RGS6: variants seen among roughly 807,000 people sequenced by gnomAD.
RGS6 encodes the protein regulator of G-protein signaling 6.
Under a neutral mutation model 78.5 loss-of-function variants are expected in RGS6, and 30 were observed. The ratio of observed to expected loss-of-function variants is 0.38; its 90% CI spans 0.29 to 0.52. The LOEUF (loss-of-function observed/expected upper bound fraction) is 0.52, where lower values mean the gene tolerates loss of function less well. Among genes scored for constraint, RGS6 ranks in the 20% least tolerant of loss-of-function variants. The pLI is 0.85. For synonymous variants in RGS6, 206 were observed against 206.0 expected (o/e 1.00, Z 0.00); for missense variants, 495 against 609.7 (o/e 0.81, Z 1.98).
chr14:72,536,069 C>A lies in RGS6; in HGVS notation c.1279-117C>A, dbSNP rs1045723883. ...TGTTGCAAGTTTTTCTAGGTACATG[C>A]AAACATACCTAGGTTCCTTCATCTC... On this transcript the variant is annotated intron_variant, in intron 15 of 17. Transcript: ENST00000553525. 5 of 771,230 alleles carry A rather than the reference C, an allele frequency of 6.5e-6. No individual in the cohort carries two copies. The South Asian group carries it at 7.5e-5, about 12-fold the overall frequency. The allele number at this position is 771,230 out of a possible 1,614,324, so 47.8% of individuals were successfully genotyped here.
At chr14:72,110,169 T>C (rs1317152882) in intron 2 of RGS6, among the ~76,000 whole-genome samples, 5 of 152,220 alleles carry the variant, frequency 3.3e-5, no homozygotes, top group East Asian at 1.9e-4. Flanking sequence ...CCAGACATCA[T>C]TGGCTGCTTT....
At chr14:72,410,607 C>T (rs1442947874) in intron 3 of RGS6, among the ~76,000 whole-genome samples, 3 of 152,060 alleles carry the variant, frequency 2.0e-5, no homozygotes, top group Non-Finnish European at 4.4e-5. Flanking sequence ...CTTTTGTTGC[C>T]ATTGCTTTTG....
the RGS6 span, among the ~76,000 whole-genome samples, chr14:71,870,580 A>T: frequency 6.6e-6 from 1 of 152,156 alleles, no homozygotes; most frequent in African/African-American, 2.4e-5. Context: ...TTCCACAGTG[A>T]TACTGGCTTG....
chr14:72,303,606 T>A (rs2066581591), intron 2 of RGS6, among the ~76,000 whole-genome samples: 1 of 152,226 alleles, frequency 6.6e-6, no homozygotes, highest in African/African-American at 2.4e-5. Flanking sequence ...TTAAGAAATA[T>A]AAATCATATT....
intron 5 of RGS6, among the ~76,000 whole-genome samples, chr14:72,458,861 C>T (rs889921884): frequency 6.6e-6 from 1 of 152,182 alleles, no homozygotes; most frequent in African/African-American, 2.4e-5. Context: ...TCAAAGGCCC[C>T]ACCTCCCAAT....
intron 3 of RGS6, among the ~76,000 whole-genome samples, chr14:72,444,280 C>T (rs1401202190): frequency 6.6e-6 from 1 of 152,100 alleles, no homozygotes; most frequent in Non-Finnish European, 1.5e-5. Flanking sequence ...GTAATAACCT[C>T]GCTGGGTCTC....
At chr14:72,514,572 T>A (rs1196009084) in intron 14 of RGS6, among the ~76,000 whole-genome samples, 2 of 152,288 alleles carry the variant, frequency 1.3e-5, no homozygotes, top group Non-Finnish European at 1.5e-5. Context: ...CTCCAAAAGC[T>A]AGTTTCCCCG....
intron 2 of RGS6, among the ~76,000 whole-genome samples, chr14:72,111,296 C>T (rs2095755954): frequency 6.6e-6 from 1 of 152,158 alleles, no homozygotes; most frequent in Non-Finnish European, 1.5e-5. Context: ...CTGACAGATA[C>T]CATCTCAGGA....
intron 2 of RGS6, among the ~76,000 whole-genome samples, chr14:72,300,606 T>A (rs948201022): frequency 6.6e-6 from 1 of 152,244 alleles, no homozygotes; most frequent in Admixed American, 6.5e-5. Context: ...TGTTGACTAA[T>A]GTGACTGAGT....
intron 2 of RGS6, among the ~76,000 whole-genome samples, chr14:72,188,328 A>G (rs751788224): frequency 1.4e-4 from 21 of 152,166 alleles, no homozygotes; most frequent in Non-Finnish European, 2.5e-4. Context: ...ATCTCTCCCC[A>G]GAGCAATGCT....
intron 2 of RGS6, among the ~76,000 whole-genome samples, chr14:72,299,832 T>C (rs542628964): frequency 6.6e-6 from 1 of 152,212 alleles, no homozygotes; most frequent in Admixed American, 6.5e-5. Flanking sequence ...CTGTAGAATC[T>C]ATAGCAATAT....
chr14:72,182,871 A>T (rs2097192274), intron 2 of RGS6, among the ~76,000 whole-genome samples: 1 of 152,198 alleles, frequency 6.6e-6, no homozygotes, highest in South Asian at 2.1e-4. Flanking sequence ...TTGGAAAAAC[A>T]TTTAGTGTTG....
chr14:72,119,653 A>G lies in RGS6; in HGVS notation c.84+154778A>G, dbSNP rs561527180. ...GCAAAGGCCATTCTTGGTGTTAGACATGAAACAAACGAGAGAGAAAGAAGG... is the reference window on the plus strand; with the variant it reads ...GCAAAGGCCATTCTTGGTGTTAGACGTGAAACAAACGAGAGAGAAAGAAGG... On this transcript the variant is annotated intron_variant, in intron 2 of 17. Transcript: ENST00000553525. Among the ~76,000 whole-genome samples, 11 of 152,350 alleles carry G rather than the reference A, an allele frequency of 7.2e-5. No homozygotes were observed. The East Asian group carries it at 1.7e-3, about 24-fold the overall frequency.
At chr14:72,308,194 T>C (rs1365342861) in intron 2 of RGS6, among the ~76,000 whole-genome samples, 1 of 152,206 alleles carries the variant, frequency 6.6e-6, no homozygotes, top group Non-Finnish European at 1.5e-5. Flanking sequence ...TTCAGAACGA[T>C]GCTGAGTAAA....
chr14:72,276,296 A>G (rs2060654143), intron 2 of RGS6, among the ~76,000 whole-genome samples: 1 of 152,242 alleles, frequency 6.6e-6, no homozygotes, highest in South Asian at 2.1e-4. Context: ...GAGAGGGTCT[A>G]CAGCATGTAT....
At chr14:72,571,223 T>A (rs2097719867), downstream of RGS6, among the ~76,000 whole-genome samples, 1 of 152,178 alleles carries the variant, frequency 6.6e-6, no homozygotes, top group Non-Finnish European at 1.5e-5. Flanking sequence ...GTGACTTACA[T>A]AAGATTATAC....
chr14:72,368,068 C>T (rs1158841781), intron 3 of RGS6, among the ~76,000 whole-genome samples: 2 of 152,134 alleles, frequency 1.3e-5, no homozygotes, highest in Non-Finnish European at 2.9e-5. Context: ...GCTGTTGTAA[C>T]AGAATGCCAC....
At chr14:72,419,747 A>G (rs1052930125) in intron 3 of RGS6, among the ~76,000 whole-genome samples, 22 of 152,324 alleles carry the variant, frequency 1.4e-4, no homozygotes, top group Non-Finnish European at 3.1e-4. Flanking sequence ...GAAGAGAAGT[A>G]TAGGTAAAGA....
At chr14:72,507,301 G>C (rs1043649867) in intron 13 of RGS6, among the ~76,000 whole-genome samples, 3 of 152,168 alleles carry the variant, frequency 2.0e-5, no homozygotes, top group African/African-American at 7.2e-5. Flanking sequence ...AGAAGTTAAG[G>C]AAAAGTCATG....
Sources: gnomAD v4.1 joint callset for allele counts (sites outside exome capture counted in the v4.1 genomes callset) on GRCh38, gnomAD v4.1.1 for gene constraint, MANE v1.5 for transcripts, NCBI Gene and HGNC (gene_info 2026-07-23, HGNC 2026-07-21) for gene names.